ELP3: variants seen among roughly 807,000 people sequenced by gnomAD.
ELP3 encodes elongator acetyltransferase complex subunit 3.
Under a neutral mutation model 74.9 loss-of-function variants are expected in ELP3, and 56 were observed. The ratio of observed to expected loss-of-function variants is 0.75; its 90% CI spans 0.60 to 0.93. ELP3 has a LOEUF of 0.93. Ranked by LOEUF, ELP3 falls within the 40% of genes least tolerant of loss-of-function variation. The pLI, the probability that ELP3 is intolerant of heterozygous loss-of-function variation, is 0.00. For synonymous variants in ELP3, 222 were observed against 239.8 expected (o/e 0.93, Z 0.68); for missense variants, 573 against 686.5 (o/e 0.83, Z 1.85).
chr8:28,128,628 T>C (rs1398632134), intron 7 of ELP3, among the ~76,000 whole-genome samples: 2 of 152,230 alleles, frequency 1.3e-5, no homozygotes, highest in East Asian at 3.8e-4. Flanking sequence ...ATTAGCTCTG[T>C]GCCCTTGAAC....
intron 6 of ELP3, among the ~76,000 whole-genome samples, chr8:28,111,358 A>G (rs1811908801): frequency 6.6e-6 from 1 of 152,210 alleles, no homozygotes; most frequent in Admixed American, 6.5e-5. Flanking sequence ...TCCTTTATTT[A>G]CAAGTTTATT....
intron 9 of ELP3, 57 bp from the exon 10 acceptor site, chr8:28,137,641 C>A: frequency 6.4e-7 from 1 of 1,553,714 alleles, no homozygotes; most frequent in Non-Finnish European, 8.8e-7. Context: ...TGAGATTTCA[C>A]CCTCGGTGAT....
chr8:28,178,051 AT>A (rs1469179396), intron 14 of ELP3, among the ~76,000 whole-genome samples: 2 of 152,144 alleles, frequency 1.3e-5, no homozygotes, highest in Non-Finnish European at 2.9e-5. Context: ...CTTCTTTTTC[AT>A]TTTAAAAGTT....
chr8:28,097,618 G>T (rs1010587434), intron 2 of ELP3, among the ~76,000 whole-genome samples: 1 of 152,006 alleles, frequency 6.6e-6, no homozygotes, highest in Non-Finnish European at 1.5e-5. Flanking sequence ...GGACGGTCTC[G>T]ATCTCCTGAC....
chr8:28,144,942 T>C (rs1813376276), intron 10 of ELP3, among the ~76,000 whole-genome samples: 1 of 152,140 alleles, frequency 6.6e-6, no homozygotes, highest in African/African-American at 2.4e-5. Flanking sequence ...CTTGGGAGGC[T>C]GAGGCAGTAG....
intron 14 of ELP3, among the ~76,000 whole-genome samples, chr8:28,174,588 T>G (rs1814667031): frequency 6.6e-6 from 1 of 152,168 alleles, no homozygotes; most frequent in Non-Finnish European, 1.5e-5. Flanking sequence ...GATTACATCT[T>G]TTTACCTGTG....
At chr8:28,135,170 C>T (rs564027153) in intron 9 of ELP3, among the ~76,000 whole-genome samples, 2 of 152,174 alleles carry the variant, frequency 1.3e-5, no homozygotes, top group South Asian at 2.1e-4. Flanking sequence ...CCTCGTGATC[C>T]GCCCGCCTCT....
intron 10 of ELP3, among the ~76,000 whole-genome samples, chr8:28,138,379 T>G (rs1813079981): frequency 6.6e-6 from 1 of 152,226 alleles, no homozygotes; most frequent in African/African-American, 2.4e-5. Flanking sequence ...TGAACTGCTT[T>G]CTTCCTAGAA....
chr8:28,155,817 G>T, intron 10 of ELP3, 125 bp from the exon 11 acceptor site: 1 of 660,486 alleles, frequency 1.5e-6, no homozygotes, highest in Non-Finnish European at 2.5e-6. Context: ...CTGATTTCCT[G>T]GTCAGCTTCA....
intron 12 of ELP3, among the ~76,000 whole-genome samples, chr8:28,159,331 G>T (rs1336561245): frequency 6.6e-6 from 1 of 152,162 alleles, no homozygotes. Context: ...TCAGTTAATT[G>T]ACATTTTTCA....
At chr8:28,093,783 T>G (rs941429670) in intron 1 of ELP3, 2 of 156,730 alleles carry the variant, frequency 1.3e-5, no homozygotes, top group South Asian at 3.4e-4. Flanking sequence ...CCTATTTCTG[T>G]ATCTCACAGG....
intron 14 of ELP3, among the ~76,000 whole-genome samples, chr8:28,179,995 G>T (rs770401417): frequency 6.6e-6 from 1 of 152,160 alleles, no homozygotes; most frequent in Non-Finnish European, 1.5e-5. Context: ...GAAATCAGCT[G>T]TCTGTCTTTG....
chr8:28,133,373 C>T (rs1812854032), intron 9 of ELP3, among the ~76,000 whole-genome samples: 1 of 148,332 alleles, frequency 6.7e-6, no homozygotes, highest in Non-Finnish European at 1.5e-5. Context: ...AAATATTTTC[C>T]TTAACCTATT....
intron 14 of ELP3, among the ~76,000 whole-genome samples, chr8:28,174,779 C>T (rs1814676707): frequency 6.6e-6 from 1 of 152,096 alleles, no homozygotes; most frequent in Non-Finnish European, 1.5e-5. Context: ...CCTATTCTTT[C>T]AATTCAGGTT....
chr8:28,107,046 A>G (rs371968975), intron 4 of ELP3, among the ~76,000 whole-genome samples: 23 of 152,244 alleles, frequency 1.5e-4, no homozygotes, highest in Middle Eastern at 3.4e-3. Flanking sequence ...GTCAGGAGTT[A>G]AGACGAGCCT....
chr8:28,149,891 T>C (rs1813575960), intron 10 of ELP3, among the ~76,000 whole-genome samples: 1 of 152,230 alleles, frequency 6.6e-6, no homozygotes. Flanking sequence ...GTGGTTTTAA[T>C]TAAGCATTAT....
intron 7 of ELP3, among the ~76,000 whole-genome samples, chr8:28,121,562 C>A (rs144760745): frequency 6.6e-6 from 1 of 151,962 alleles, no homozygotes; most frequent in Admixed American, 6.6e-5. Flanking sequence ...TCAGGTGATC[C>A]GCCCACTTCG....
At chr8:28,129,374 G>A in intron 7 of ELP3, 128 bp from the exon 8 acceptor site, 1 of 888,922 alleles carries the variant, frequency 1.1e-6, no homozygotes, top group Non-Finnish European at 1.7e-6. Context: ...AACTCAGGCA[G>A]CCTGGCTCCA....
chr8:28,167,676 T>C (rs1814360751), intron 14 of ELP3, among the ~76,000 whole-genome samples: 1 of 152,198 alleles, frequency 6.6e-6, no homozygotes, highest in African/African-American at 2.4e-5. Flanking sequence ...CTATGGCTTC[T>C]CAGAAAGGAA....
Sources: gnomAD v4.1 joint callset for allele counts (sites outside exome capture counted in the v4.1 genomes callset) on GRCh38, gnomAD v4.1.1 for gene constraint, MANE v1.5 for transcripts, NCBI Gene and HGNC (gene_info 2026-07-23, HGNC 2026-07-21) for gene names.